TTBK2: variants seen among roughly 807,000 people sequenced by gnomAD.
TTBK2 encodes the protein tau tubulin kinase 2.
Under a neutral mutation model 110.8 loss-of-function variants are expected in TTBK2, and 28 were observed. The observed-to-expected ratio is 0.25, with a 90% CI of 0.19 to 0.35. The LOEUF (loss-of-function observed/expected upper bound fraction) is 0.35, where lower values mean the gene tolerates loss of function less well. Ranked by LOEUF, TTBK2 falls within the 10% of genes least tolerant of loss-of-function variation. The pLI is 1.00. For missense variants in TTBK2, 1,369 were observed against 1,500.3 expected, an observed-to-expected ratio of 0.91 and a Z score of 1.45; for synonymous variants, 532 against 527.3, an observed-to-expected ratio of 1.01 and a Z score of -0.12.
intron 9 of TTBK2, among the ~76,000 whole-genome samples, chr15:42,806,034 T>C (rs2140911166): frequency 6.6e-6 from 1 of 152,156 alleles, no homozygotes; most frequent in Non-Finnish European, 1.5e-5. Flanking sequence ...GAGGCCAAGG[T>C]GGGTGGATCA....
chr15:42,794,929 A>C, intron 9 of TTBK2, 128 bp from the exon 10 acceptor site: 1 of 1,218,908 alleles, frequency 8.2e-7, no homozygotes, highest in Non-Finnish European at 1.2e-6. Context: ...TGATGGCTCA[A>C]ATTGCGAAAT....
intron 1 of TTBK2, among the ~76,000 whole-genome samples, chr15:42,902,393 G>C (rs2030100044): frequency 6.6e-6 from 1 of 152,000 alleles, no homozygotes; most frequent in Non-Finnish European, 1.5e-5. Context: ...GATGGCAGGT[G>C]CCTCTAATCC....
rs1325792852 is a variant in TTBK2, at chr15:42,815,875, AAT to A, written c.603+1155_603+1156del. Among the ~76,000 whole-genome samples, 12 of 111,844 alleles carry A rather than the reference AAT, an allele frequency of 1.1e-4. 1 individual carries two copies. Among genetic ancestry groups the A allele is most frequent in the East Asian group, 8.0e-4 (3 of 3,752 alleles). The allele number at this position is 111,844 out of a possible 152,430, so 73.4% of individuals were successfully genotyped here. ...CTCTCTCTCTATATATATATATTTA[AAT>A]ATATATATATTTAAAAATATATATA... is the stretch of plus-strand genomic sequence containing the variant. On this transcript the variant is annotated intron_variant, in intron 7 of 14. Coordinates refer to ENST00000267890, the MANE Select transcript of TTBK2 (RefSeq NM_173500.4).
At chr15:42,861,243 C>A (rs1442541697) in intron 3 of TTBK2, among the ~76,000 whole-genome samples, 5 of 152,012 alleles carry the variant, frequency 3.3e-5, no homozygotes, top group Non-Finnish European at 4.4e-5. Context: ...ACTCGACACT[C>A]AACCAATTAG....
rs1242741859 is a variant in TTBK2, at chr15:42,862,614, C to T, written c.217+9997G>A. Among the ~76,000 whole-genome samples the T allele has an allele frequency of 2.6e-5, 4 of 152,158 alleles. No homozygotes were observed. In the East Asian group the frequency reaches 7.7e-4, roughly 29 times the overall value. On this transcript the variant is annotated intron_variant, in intron 3 of 14. Coordinates refer to ENST00000267890, the MANE Select transcript of TTBK2 (RefSeq NM_173500.4). The stretch of plus-strand genomic sequence containing the variant: ...AAAATAATAGCCATCTATGGCCAGG[C>T]GCGGTGGCTCACACCTGTAATCCCA...
At chr15:42,860,266 AAAAC>A (rs139676985) in intron 3 of TTBK2, among the ~76,000 whole-genome samples, 3 of 152,072 alleles carry the variant, frequency 2.0e-5, no homozygotes, top group Admixed American at 1.3e-4. Context: ...GGATAAATGC[AAAAC>A]AAACAAACAA....
Position 42,753,030 on chromosome 15 carries a change from T to C in TTBK2, c.2216A>G (p.His739Arg), listed in dbSNP as rs183390147. ...DLGLQIDHIGHDMLPNIRESN... is the reference protein window; with the variant it reads ...DLGLQIDHIGRDMLPNIRESN... Reference sequence around the variant, plus strand: ...TTCTCTAATGTTGGGTAACATGTCATGACCAATGTGATCTATCTGAAGCCC... The same window carrying C: ...TTCTCTAATGTTGGGTAACATGTCACGACCAATGTGATCTATCTGAAGCCC... The change falls in exon 14 of 15, where the codon CAT (histidine) becomes CGT (arginine). Residue 739 changes from histidine to arginine, a missense_variant. Around this residue, in one of 4 missense-constraint regions of TTBK2, gnomAD observed 1,097 missense variants for 1,114.7 expected, o/e 0.98. Transcript: ENST00000267890. 25 of 1,614,076 alleles carry C rather than the reference T, an allele frequency of 1.5e-5. No homozygotes were observed. In the African/African-American group the frequency reaches 3.1e-4, roughly 20 times the overall value.
At chr15:42,756,736 T>A (rs1299869204) in intron 13 of TTBK2, among the ~76,000 whole-genome samples, 1 of 151,606 alleles carries the variant, frequency 6.6e-6, no homozygotes, top group East Asian at 1.9e-4. Context: ...ATTTTATACA[T>A]AGAAAATATA....
chr15:42,835,825 AAG>A (rs1486769945), intron 4 of TTBK2, among the ~76,000 whole-genome samples: 8 of 152,220 alleles, frequency 5.3e-5, no homozygotes, highest in Admixed American at 5.2e-4. Context: ...GGACAGGAGA[AAG>A]AGAAAATACT....
At chr15:42,814,166 C>T (rs79776782) in intron 7 of TTBK2, among the ~76,000 whole-genome samples, 10 of 152,138 alleles carry the variant, frequency 6.6e-5, no homozygotes, top group East Asian at 3.9e-4. Context: ...AGATTACAGG[C>T]GCCCGCCACC....
intron 9 of TTBK2, among the ~76,000 whole-genome samples, chr15:42,796,424 T>G (rs66932813): frequency 0.13 from 19,996 of 151,796 alleles, 1,458 homozygotes; most frequent in South Asian, 0.24. Context: ...GAGAGAGAGA[T>G]ATTATTTAAA....
At chr15:42,890,033 G>A (rs1442552134) in intron 1 of TTBK2, among the ~76,000 whole-genome samples, 1 of 152,198 alleles carries the variant, frequency 6.6e-6, no homozygotes, top group Non-Finnish European at 1.5e-5. Context: ...ATGGCCTGAA[G>A]CAACTGAAGA....
At chr15:42,827,317 C>T (rs1461920635) in intron 6 of TTBK2, among the ~76,000 whole-genome samples, 2 of 152,136 alleles carry the variant, frequency 1.3e-5, no homozygotes, top group Non-Finnish European at 2.9e-5. Context: ...AGGGGGAGAC[C>T]AGTACCCAGA....
intron 3 of TTBK2, among the ~76,000 whole-genome samples, chr15:42,844,764 AGCCTTT>A (rs1421436463): frequency 6.6e-6 from 1 of 152,220 alleles, no homozygotes; most frequent in African/African-American, 2.4e-5. Flanking sequence ...TTAATTCCAG[AGCCTTT>A]GCTCTTAACC....
chr15:42,774,994 G>A (rs1360264925), intron 13 of TTBK2, 141 bp downstream of exon 13: 3 of 786,560 alleles, frequency 3.8e-6, no homozygotes, highest in Non-Finnish European at 6.2e-6. Context: ...GTTGACTATA[G>A]AACTTAGTAC....
At chr15:42,803,313 A>G (rs1479553365) in intron 9 of TTBK2, among the ~76,000 whole-genome samples, 1 of 152,244 alleles carries the variant, frequency 6.6e-6, no homozygotes, top group Non-Finnish European at 1.5e-5. Flanking sequence ...GTATGTAAAC[A>G]TATCTAAATA....
At chr15:42,824,184 A>T (rs1157831296) in intron 6 of TTBK2, among the ~76,000 whole-genome samples, 1 of 152,146 alleles carries the variant, frequency 6.6e-6, no homozygotes, top group Non-Finnish European at 1.5e-5. Context: ...AACCCTGCCC[A>T]TTAGGCCTCA....
At position 42,902,630 on chromosome 15, in the gene TTBK2, C is replaced by A. The variant is rs1028850434; in HGVS notation, c.-68+17808G>T. 2.4e-4 allele frequency among the ~76,000 whole-genome samples: 37 copies of A among 152,214 alleles called. 1 individual carries two copies. Among genetic ancestry groups the A allele is most frequent in the Non-Finnish European group, 5.0e-4 (34 of 68,004 alleles). ...GGTGAGGATGTGAAAAAATTAGAGC[C>A]ATTCTGCATTGCTGGTGGGAATATA... On this transcript the variant is annotated intron_variant, in intron 1 of 14. Coordinates refer to ENST00000267890, the MANE Select transcript of TTBK2 (RefSeq NM_173500.4).
intron 9 of TTBK2, among the ~76,000 whole-genome samples, chr15:42,799,710 A>G (rs1422542917): frequency 4.6e-5 from 7 of 152,066 alleles, no homozygotes; most frequent in African/African-American, 1.7e-4. Flanking sequence ...TGCTGGGATT[A>G]CAGGCGTGAG....
Sources: gnomAD v4.1 joint callset for allele counts (sites outside exome capture counted in the v4.1 genomes callset) on GRCh38, gnomAD v4.1.1 for gene constraint, gnomAD v4.1.1 regional missense constraint, MANE v1.5 for transcripts, NCBI Gene and HGNC (gene_info 2026-07-23, HGNC 2026-07-21) for gene names.